Variants in ZNF710 observed in about 807,000 individuals in gnomAD.
ZNF710 encodes the protein zinc finger protein 710.
Under a neutral mutation model 50.6 loss-of-function variants are expected in ZNF710, and 13 were observed. The ratio of observed to expected loss-of-function variants is 0.26; its 90% CI spans 0.17 to 0.41. The LOEUF is 0.41. Ranked by LOEUF, ZNF710 falls within the 10% of genes least tolerant of loss-of-function variation. The pLI is 1.00. For missense variants in ZNF710, 721 were observed against 936.6 expected, an observed-to-expected ratio of 0.77 and a Z score of 3.01; for synonymous variants, 383 against 397.0, an observed-to-expected ratio of 0.96 and a Z score of 0.42.
chr15:90,055,141 T>TA (rs1363213852), intron 1 of ZNF710, among the ~76,000 whole-genome samples: 1 of 152,174 alleles, frequency 6.6e-6, no homozygotes, highest in Non-Finnish European at 1.5e-5. Flanking sequence ...TATAAATAAA[T>TA]AAATCATTAA....
At position 90,067,266 on chromosome 15, in the gene ZNF710, C is replaced by G; in HGVS notation, c.129C>G (p.Phe43Leu). Reference sequence around the variant, plus strand: ...GAGCTACCATAAGCGCCGAGGCCTTCTACCCGGACCTGGGGCCCGAGCTTT... The same window carrying G: ...GAGCTACCATAAGCGCCGAGGCCTTGTACCCGGACCTGGGGCCCGAGCTTT... The part of the protein sequence containing the change: ...LFGATISAEA[F>L]YPDLGPELSG... The change falls in exon 2 of 5, where the codon TTC becomes TTG. Residue 43 changes from phenylalanine (F) to leucine (L), a missense_variant. Physicochemically the swap from Phe to Leu is conservative, Grantham distance 22. Around this residue, in one of 3 missense-constraint regions of ZNF710, gnomAD observed 326 missense variants for 347.1 expected, o/e 0.94. Coordinates refer to ENST00000268154, the MANE Select transcript of ZNF710 (RefSeq NM_198526.4). The surrounding 1 kb of genome is among the most constrained non-coding windows in gnomAD (Gnocchi z 8.1). 6.2e-7 allele frequency: 1 copy of G among 1,613,022 alleles called. No individual in the cohort carries two copies. Among genetic ancestry groups the G allele is most frequent in the East Asian group, 2.2e-5 (1 of 44,848 alleles).
chr15:90,067,308 A>G lies in ZNF710; in HGVS notation c.171A>G (p.Gly57=), dbSNP rs1287323330. 6.2e-7 allele frequency: 1 copy of G among 1,609,878 alleles called. No individual in the cohort carries two copies. The highest frequency in any genetic ancestry group is 8.5e-7 in the Non-Finnish European group (1 of 1,178,348). ...LGPELSGAAM[G]EPEPPGPDVY... is the part of the protein sequence containing the mutation. ...CCGAGCTTTCAGGGGCAGCCATGGG[A>G]GAGCCCGAGCCACCAGGCCCCGACG... Residue 57 remains glycine, a synonymous_variant, in exon 2 of 5, where the codon GGA becomes GGG. Transcript: ENST00000268154. This position sits in a 1 kb window ranked among gnomAD's most constrained non-coding sequence, Gnocchi z 8.1.
At chr15:90,008,250 A>T (rs1350821291) in intron 1 of ZNF710, among the ~76,000 whole-genome samples, 1 of 151,478 alleles carries the variant, frequency 6.6e-6, no homozygotes, top group South Asian at 2.1e-4. Flanking sequence ...CCTAGTGCCT[A>T]CCCCAAGTAC....
At position 90,059,895 on chromosome 15, in the gene ZNF710, T is replaced by C. The variant is rs549552305; in HGVS notation, c.-28-7215T>C. 1.6e-3 allele frequency among the ~76,000 whole-genome samples: 244 copies of C among 152,250 alleles called. 1 individual carries two copies. Among genetic ancestry groups the C allele is most frequent in the African/African-American group, 5.5e-3 (228 of 41,556 alleles). On this transcript the variant is annotated intron_variant, in intron 1 of 4. Coordinates refer to ENST00000268154, the MANE Select transcript of ZNF710 (RefSeq NM_198526.4). This position sits in a 1 kb window ranked among gnomAD's most constrained non-coding sequence, Gnocchi z 4.1. ...TGTACAGGCCTGGAACTTCCTCTTC[T>C]CCTCCCACCTGGTTACCTGTCCCGC...
chr15:90,015,887 G>A lies in ZNF710; in HGVS notation c.-29+14273G>A, dbSNP rs541514536. Reference sequence around the variant, plus strand: ...GCCTCCCAAAGTGTTGGGATTACAGGCGTGAGTCACCGCGCCCAATGCCAT... The same window carrying A: ...GCCTCCCAAAGTGTTGGGATTACAGACGTGAGTCACCGCGCCCAATGCCAT... On this transcript the variant is annotated intron_variant, in intron 1 of 4. Coordinates refer to ENST00000268154, the MANE Select transcript of ZNF710 (RefSeq NM_198526.4). Among the ~76,000 whole-genome samples, 4 of 152,320 alleles carry A rather than the reference G, an allele frequency of 2.6e-5. No individual in the cohort carries two copies. The South Asian group carries it at 6.2e-4, about 24-fold the overall frequency.
intron 1 of ZNF710, among the ~76,000 whole-genome samples, chr15:90,011,977 C>T (rs1208225787): frequency 1.3e-5 from 2 of 152,132 alleles, no homozygotes; most frequent in African/African-American, 4.8e-5. Flanking sequence ...GAGGCTGAGG[C>T]AGGTGGATCA....
intron 4 of ZNF710, chr15:90,075,922 A>G (rs2970359): frequency 0.25 from 38,514 of 152,136 alleles, 5,684 homozygotes; most frequent in East Asian, 0.65. Flanking sequence ...TACACTTCAA[A>G]AAGATCTCTG....
In ZNF710 at chr15:90,074,548, C is replaced by T. The variant is rs764558167; in HGVS notation, c.1825+258C>T. On this transcript the variant is annotated intron_variant, in intron 4 of 4. Transcript: ENST00000268154. Reference sequence around the variant, plus strand: ...ATAACTAACATTTATTGAGTGCTAACTGTGTGCCAGGCCTTTATTAACTCA... The same window carrying T: ...ATAACTAACATTTATTGAGTGCTAATTGTGTGCCAGGCCTTTATTAACTCA... 6.9e-5 allele frequency: 98 copies of T among 1,415,894 alleles called. 1 individual carries two copies. The South Asian group carries it at 1.1e-3, about 17-fold the overall frequency. The allele number at this position is 1,415,894 out of a possible 1,614,324, so 87.7% of individuals were successfully genotyped here.
rs1567230554 is a variant in ZNF710, at chr15:90,040,002, CTGGACAAG to C, written c.-28-27105_-28-27098del. On this transcript the variant is annotated intron_variant, in intron 1 of 4. Coordinates refer to ENST00000268154, the MANE Select transcript of ZNF710 (RefSeq NM_198526.4). The surrounding 1 kb of genome is among the most constrained non-coding windows in gnomAD (Gnocchi z 4.6). ...TTTGAGGTGGCCAGAGAAGAGATCT[CTGGACAAG>C]TGTAATCTTGCTATCACATATTAGG... 6.6e-6 allele frequency among the ~76,000 whole-genome samples: 1 copy of C among 152,170 alleles called. No homozygotes were observed. Among genetic ancestry groups the C allele is most frequent in the African/African-American group, 2.4e-5 (1 of 41,448 alleles).
chr15:90,032,886 A>G (rs1898990927), intron 1 of ZNF710, among the ~76,000 whole-genome samples: 1 of 152,206 alleles, frequency 6.6e-6, no homozygotes, highest in South Asian at 2.1e-4. Context: ...AGCATGGACA[A>G]CATAGCAAGA....
chr15:90,061,343 A>ATT (rs139872967), intron 1 of ZNF710, among the ~76,000 whole-genome samples: 1 of 149,554 alleles, frequency 6.7e-6, no homozygotes, highest in East Asian at 2.0e-4. Flanking sequence ...TAATTTTTGC[A>ATT]TTTTTTTTTG....
chr15:90,036,112 G>A (rs550764375), intron 1 of ZNF710, among the ~76,000 whole-genome samples: 13 of 152,228 alleles, frequency 8.5e-5, no homozygotes, highest in African/African-American at 1.4e-4. Context: ...ACTTCGAAGC[G>A]CAAGCACTTC....
intron 1 of ZNF710, among the ~76,000 whole-genome samples, chr15:90,013,842 G>T (rs1898378501): frequency 6.6e-6 from 1 of 152,022 alleles, no homozygotes; most frequent in Admixed American, 6.6e-5. Context: ...AAAATTATCT[G>T]GTCTTTCCAC....
At chr15:90,045,025 C>A (rs768136340) in intron 1 of ZNF710, among the ~76,000 whole-genome samples, 2 of 152,174 alleles carry the variant, frequency 1.3e-5, no homozygotes, top group African/African-American at 2.4e-5. Flanking sequence ...TGCTGAACTC[C>A]TACACAACCT....
intron 1 of ZNF710, among the ~76,000 whole-genome samples, chr15:90,042,072 A>G (rs1899312356): frequency 6.6e-6 from 1 of 151,256 alleles, no homozygotes; most frequent in South Asian, 2.1e-4. Context: ...TTATTTTTGT[A>G]TTTTTAGTAG....
chr15:90,059,830 C>G lies in ZNF710; in HGVS notation c.-28-7280C>G, dbSNP rs1449059856. Among the ~76,000 whole-genome samples the G allele has an allele frequency of 6.6e-6, 1 of 152,228 alleles. No homozygotes were observed. The highest frequency in any genetic ancestry group is 2.4e-5 in the African/African-American group (1 of 41,456). ...ACAGGGGAAACCAAGAGGCTGGTTT[C>G]CTTAGGCGGTGAAATCCCGTGCATG... On this transcript the variant is annotated intron_variant, in intron 1 of 4. Transcript: ENST00000268154. This position sits in a 1 kb window ranked among gnomAD's most constrained non-coding sequence, Gnocchi z 4.1.
intron 1 of ZNF710, among the ~76,000 whole-genome samples, chr15:90,036,994 A>G (rs1007743425): frequency 1.3e-5 from 2 of 152,150 alleles, no homozygotes; most frequent in African/African-American, 2.4e-5. Context: ...GAGCAGGAGA[A>G]TAGCACAAGC....
intron 1 of ZNF710, among the ~76,000 whole-genome samples, chr15:90,004,437 C>T (rs765775864): frequency 1.3e-5 from 2 of 152,338 alleles, no homozygotes; most frequent in African/African-American, 2.4e-5. Context: ...CATAATCTGG[C>T]TTGCTGACCC....
chr15:90,058,693 C>CTATATATT (rs1287744893), intron 1 of ZNF710, among the ~76,000 whole-genome samples: 1 of 136,452 alleles, frequency 7.3e-6, no homozygotes, highest in East Asian at 2.0e-4. Flanking sequence ...GTAGGAGACA[C>CTATATATT]TATATATTTA....
Sources: allele counts gnomAD v4.1 joint callset (sites outside exome capture counted in the v4.1 genomes callset), GRCh38; gene constraint gnomAD v4.1.1; regional missense constraint gnomAD v4.1.1; non-coding constraint Gnocchi (gnomAD v3.1); transcripts MANE v1.5; gene names NCBI Gene and HGNC (gene_info 2026-07-23, HGNC 2026-07-21).